Variants in GPC6 observed in about 807,000 individuals in gnomAD.
GPC6 encodes glypican-6.
GPC6 carries 14 observed loss-of-function variants against 55.2 expected under a neutral mutation model. That is an observed-to-expected ratio of 0.25 (90% CI 0.17 to 0.40). The LOEUF is 0.40. Ranked by LOEUF, GPC6 falls within the 10% of genes least tolerant of loss-of-function variation. The pLI is 1.00. For synonymous variants in GPC6, 278 were observed against 259.6 expected (o/e 1.07, Z -0.68); for missense variants, 641 against 708.5 (o/e 0.90, Z 1.08).
intron 4 of GPC6, among the ~76,000 whole-genome samples, chr13:94,082,976 T>C (rs962923714): frequency 3.3e-5 from 5 of 152,204 alleles, no homozygotes; most frequent in African/African-American, 4.8e-5. Flanking sequence ...ATGCTTAGTA[T>C]TGGCCATGGC....
intron 4 of GPC6, among the ~76,000 whole-genome samples, chr13:94,196,458 A>C (rs1594046833): frequency 6.6e-6 from 1 of 152,314 alleles, no homozygotes; most frequent in Middle Eastern, 3.4e-3. Flanking sequence ...AGGGTCTTCA[A>C]GTGAAGTATG....
intron 4 of GPC6, among the ~76,000 whole-genome samples, chr13:94,157,184 T>G (rs533049110): frequency 2.0e-5 from 3 of 152,158 alleles, no homozygotes; most frequent in Non-Finnish European, 4.4e-5. Flanking sequence ...TGCCTGGGCC[T>G]TAGCATTCTC....
chr13:93,565,207 C>G (rs113105806), intron 2 of GPC6, among the ~76,000 whole-genome samples: 8 of 152,068 alleles, frequency 5.3e-5, no homozygotes, highest in African/African-American at 1.9e-4. Context: ...CTCCCTTTAT[C>G]TGTTGAAAGG....
At chr13:93,666,771 G>A (rs1341169112) in intron 2 of GPC6, among the ~76,000 whole-genome samples, 4 of 152,016 alleles carry the variant, frequency 2.6e-5, no homozygotes, top group East Asian at 1.9e-4. Context: ...AAGGATGTAC[G>A]CCATCAACAA....
intron 3 of GPC6, among the ~76,000 whole-genome samples, chr13:93,965,458 G>T (rs1879998892): frequency 6.6e-6 from 1 of 152,022 alleles, no homozygotes; most frequent in Non-Finnish European, 1.5e-5. Flanking sequence ...AATTCATTCG[G>T]TCAAGAGGAG....
chr13:93,666,982 A>C (rs2139620998), intron 2 of GPC6, among the ~76,000 whole-genome samples: 1 of 152,310 alleles, frequency 6.6e-6, no homozygotes. Flanking sequence ...ATGTTGCTAC[A>C]GTATTCAAAA....
Position 94,150,814 on chromosome 13 carries a change from GTA to G in GPC6, c.877+122936_877+122937del, listed in dbSNP as rs34636081. Among the ~76,000 whole-genome samples, 36 of 100,488 alleles carry G rather than the reference GTA, an allele frequency of 3.6e-4. 3 individuals are homozygous for G. Among genetic ancestry groups the G allele is most frequent in the South Asian group, 1.2e-3 (3 of 2,602 alleles). 65.9% of individuals were successfully genotyped at this position (100,488 alleles called of 152,430 possible). On this transcript the variant is annotated intron_variant, in intron 4 of 8. Transcript: ENST00000377047. Reference sequence around the variant, plus strand: ...TGAAGCAGAAAGAGAGAGATCAGCAGTATATATATATATATATGTTTATTGAA... The same window carrying G: ...TGAAGCAGAAAGAGAGAGATCAGCAGTATATATATATATATGTTTATTGAA...
In GPC6 at chr13:94,386,126, A is replaced by G. The variant is rs183386899; in HGVS notation, c.1289+3576A>G. ...TGTAATCCCAGCACTTTGGGAGGCC[A>G]AGGCGGGCGGATGATGAGGTCAGCA... On this transcript the variant is annotated intron_variant, in intron 7 of 8. Coordinates refer to ENST00000377047, the MANE Select transcript of GPC6 (RefSeq NM_005708.5). Among the ~76,000 whole-genome samples the G allele has an allele frequency of 9.7e-4, 148 of 151,816 alleles. 1 individual carries two copies. The highest frequency in any genetic ancestry group is 2.3e-3 in the African/African-American group (96 of 41,428).
chr13:93,474,223 G>C (rs1022260296), intron 1 of GPC6, among the ~76,000 whole-genome samples: 9 of 152,172 alleles, frequency 5.9e-5, no homozygotes, highest in African/African-American at 2.2e-4. Flanking sequence ...AGTCTTCACA[G>C]TGTTACTTGG....
chr13:93,486,783 A>G (rs1254567236), intron 1 of GPC6, among the ~76,000 whole-genome samples: 1 of 152,066 alleles, frequency 6.6e-6, no homozygotes, highest in Non-Finnish European at 1.5e-5. Context: ...CATCTCTACT[A>G]AAAATACAAA....
intron 4 of GPC6, among the ~76,000 whole-genome samples, chr13:94,117,420 G>A (rs991267637): frequency 1.3e-5 from 2 of 152,108 alleles, no homozygotes; most frequent in Non-Finnish European, 2.9e-5. Flanking sequence ...TATTCCTGAA[G>A]AAGAAATGTC....
At chr13:93,929,741 T>TAA (rs925994979) in intron 3 of GPC6, among the ~76,000 whole-genome samples, 2 of 145,962 alleles carry the variant, frequency 1.4e-5, no homozygotes, top group Non-Finnish European at 3.0e-5. Flanking sequence ...TTAAACAAAG[T>TAA]AAAAAAAAAC....
chr13:93,605,854 A>AT, intron 2 of GPC6, among the ~76,000 whole-genome samples: 1 of 151,756 alleles, frequency 6.6e-6, no homozygotes, highest in African/African-American at 2.4e-5. Context: ...AAAAAAAAAA[A>AT]AAAAAAAAAA....
intron 3 of GPC6, among the ~76,000 whole-genome samples, chr13:93,991,810 G>A (rs1881319627): frequency 6.6e-6 from 1 of 152,052 alleles, no homozygotes; most frequent in East Asian, 1.9e-4. Context: ...ACAGGATAAT[G>A]GATGTCTTAG....
At chr13:93,791,208 C>T (rs896433964) in intron 2 of GPC6, among the ~76,000 whole-genome samples, 3 of 152,146 alleles carry the variant, frequency 2.0e-5, no homozygotes, top group African/African-American at 7.2e-5. Flanking sequence ...TACATTAATT[C>T]ATCCATTCAT....
At position 94,138,191 on chromosome 13, in the gene GPC6, C is replaced by T. The variant is rs189086652; in HGVS notation, c.877+110297C>T. ...TGGAGCATTTTGGATTTCGGGTTTT[C>T]GGATTAGGGATGCTCAACCATTAAG... is the stretch of plus-strand genomic sequence containing the variant. On this transcript the variant is annotated intron_variant, in intron 4 of 8. Coordinates refer to ENST00000377047, the MANE Select transcript of GPC6 (RefSeq NM_005708.5). Among the ~76,000 whole-genome samples the T allele has an allele frequency of 7.9e-5, 12 of 152,202 alleles. No homozygotes were observed. The East Asian group carries it at 1.9e-3, about 25-fold the overall frequency.
chr13:94,304,251 C>G (rs538744012), intron 5 of GPC6, among the ~76,000 whole-genome samples: 1 of 152,172 alleles, frequency 6.6e-6, no homozygotes, highest in African/African-American at 2.4e-5. Context: ...AAAGTACCGC[C>G]GCTCTGCAAA....
chr13:93,707,042 T>C (rs1882876844), intron 2 of GPC6, among the ~76,000 whole-genome samples: 1 of 151,846 alleles, frequency 6.6e-6, no homozygotes, highest in Non-Finnish European at 1.5e-5. Flanking sequence ...CTGCTTTTGT[T>C]CTCTATTTCC....
At chr13:93,800,501 A>G (rs1270474176) in intron 2 of GPC6, among the ~76,000 whole-genome samples, 1 of 152,140 alleles carries the variant, frequency 6.6e-6, no homozygotes, top group Non-Finnish European at 1.5e-5. Context: ...CAGCATCCCA[A>G]AGAGAAAGGG....
Sources: allele counts gnomAD v4.1 joint callset (sites outside exome capture counted in the v4.1 genomes callset), GRCh38; gene constraint gnomAD v4.1.1; transcripts MANE v1.5; gene names NCBI Gene and HGNC (gene_info 2026-07-23, HGNC 2026-07-21).